TNFSF15: variants seen among roughly 807,000 people sequenced by gnomAD.
The protein encoded by TNFSF15 is tumor necrosis factor ligand superfamily member 15.
TNFSF15 carries 15 observed loss-of-function variants against 26.4 expected under a neutral mutation model. The observed-to-expected ratio is 0.57, with a 90% CI of 0.38 to 0.87. The LOEUF (loss-of-function observed/expected upper bound fraction) is 0.87. Ranked by LOEUF, TNFSF15 falls within the 40% of genes least tolerant of loss-of-function variation. The pLI is 0.00. For missense variants in TNFSF15, 290 were observed against 306.1 expected (o/e 0.95, Z 0.39); for synonymous variants, 116 against 115.0 (o/e 1.01, Z -0.06).
At chr9:114,805,530 A>G (rs1377546197) in intron 1 of TNFSF15, among the ~76,000 whole-genome samples, 2 of 152,168 alleles carry the variant, frequency 1.3e-5, no homozygotes, top group Non-Finnish European at 2.9e-5. Flanking sequence ...ATCTTCCCAA[A>G]TTACCAGTAT....
rs905752798 is a variant in TNFSF15, at chr9:114,785,531, T to G, written c.*4921A>C. 2.0e-5 allele frequency: 3 copies of G among 152,224 alleles called. No homozygotes were observed. The highest frequency in any genetic ancestry group is 7.2e-5 in the African/African-American group (3 of 41,462). 9.4% of individuals were successfully genotyped at this position (152,224 alleles called of 1,614,324 possible). On this transcript the variant is annotated 3_prime_UTR_variant, in exon 4 of 4. Coordinates refer to ENST00000374045, the MANE Select transcript of TNFSF15 (RefSeq NM_005118.4). ...AGACCTCAGAGATCCTTTGGCTTAA[T>G]CTCTCCCCCAACCTCTGTGAAGAAT...
Position 114,787,908 on chromosome 9 carries a change from A to G in TNFSF15, c.*2544T>C, listed in dbSNP as rs778171137. The stretch of plus-strand genomic sequence containing the variant: ...CTCAAATGTCTTCGAATATTAGGAA[A>G]TTCCTGTCTTGGGATAAATTTCCAG... On this transcript the variant is annotated 3_prime_UTR_variant, in exon 4 of 4. Coordinates refer to ENST00000374045, the MANE Select transcript of TNFSF15 (RefSeq NM_005118.4). 5 of 153,750 alleles carry G rather than the reference A, an allele frequency of 3.3e-5. No homozygotes were observed. Among genetic ancestry groups the G allele is most frequent in the African/African-American group, 4.8e-5 (2 of 41,448 alleles). 9.5% of individuals were successfully genotyped at this position (153,750 alleles called of 1,614,324 possible). A position where few individuals can be genotyped will look rare whatever the true frequency, so the allele number is the denominator to read the frequency against.
chr9:114,804,087 C>T (rs1829784445), intron 1 of TNFSF15, among the ~76,000 whole-genome samples: 1 of 152,226 alleles, frequency 6.6e-6, no homozygotes, highest in Non-Finnish European at 1.5e-5. Flanking sequence ...TCTTCTGACA[C>T]ACTAAGAAGT....
chr9:114,804,004 G>A lies in TNFSF15; in HGVS notation c.210+1799C>T, dbSNP rs141288470. On this transcript the variant is annotated intron_variant, in intron 1 of 3. Transcript: ENST00000374045. ...TTCTTCTACAAATGCACTTTCTTGAGTGAGCCAGCTGTTTCTTTTCAGGAC... is the reference window on the plus strand; with the variant it reads ...TTCTTCTACAAATGCACTTTCTTGAATGAGCCAGCTGTTTCTTTTCAGGAC... Among the ~76,000 whole-genome samples, 530 of 152,264 alleles carry A rather than the reference G, an allele frequency of 3.5e-3. 3 individuals are homozygous for A. The highest frequency in any genetic ancestry group is 0.012 in the African/African-American group (510 of 41,548).
chr9:114,801,929 A>C (rs977709606), intron 1 of TNFSF15, among the ~76,000 whole-genome samples: 10 of 152,228 alleles, frequency 6.6e-5, no homozygotes, highest in African/African-American at 2.4e-4. Context: ...TAGCAGAATT[A>C]CTACTTTCTT....
In TNFSF15 at chr9:114,806,001, A is replaced by T; in HGVS notation, c.12T>A (p.Asp4Glu). The T allele has an allele frequency of 6.2e-7, 1 of 1,613,828 alleles. No individual in the cohort carries two copies. The highest frequency in any genetic ancestry group is 8.5e-7 in the Non-Finnish European group (1 of 1,179,940). Reference sequence around the variant, plus strand: ...CTGTTTCCCCAAAGCTCAGTCCCAGATCCTCGGCCATGCTCCTGCTGCTCC... The same window carrying T: ...CTGTTTCCCCAAAGCTCAGTCCCAGTTCCTCGGCCATGCTCCTGCTGCTCC... MAE[D>E]LGLSFGETAS... is the part of the protein sequence containing the mutation. The change falls in exon 1 of 4, where the codon GAT becomes GAA. Residue 4 changes from aspartate to glutamate, a missense_variant. Transcript: ENST00000374045.
intron 1 of TNFSF15, among the ~76,000 whole-genome samples, chr9:114,794,941 T>C (rs907237953): frequency 6.6e-6 from 1 of 152,160 alleles, no homozygotes; most frequent in African/African-American, 2.4e-5. Flanking sequence ...TACAGTTGGA[T>C]AGAAAGTTTA....
chr9:114,792,207 GTA>G (rs1829610928), intron 3 of TNFSF15, 198 bp downstream of exon 3: 50 of 609,668 alleles, frequency 8.2e-5, no homozygotes, highest in African/African-American at 1.6e-4. Flanking sequence ...GTGTGTGTGT[GTA>G]TATACATATG....
chr9:114,794,930 G>A (rs1029586806), intron 1 of TNFSF15, among the ~76,000 whole-genome samples: 4 of 152,122 alleles, frequency 2.6e-5, no homozygotes, highest in Non-Finnish European at 4.4e-5. Flanking sequence ...GGGTACAAAC[G>A]TACAGTTGGA....
intron 2 of TNFSF15, among the ~76,000 whole-genome samples, chr9:114,792,890 A>G (rs1829625437): frequency 6.6e-6 from 1 of 152,166 alleles, no homozygotes; most frequent in Non-Finnish European, 1.5e-5. Flanking sequence ...CCCTTTAACT[A>G]TATTCACTGA....
intron 1 of TNFSF15, among the ~76,000 whole-genome samples, chr9:114,804,874 C>G (rs1829797076): frequency 6.6e-6 from 1 of 152,132 alleles, no homozygotes; most frequent in African/African-American, 2.4e-5. Context: ...CCAGTTAAAC[C>G]CATTGAAAAC....
At chr9:114,798,558 A>G (rs1205438757) in intron 1 of TNFSF15, among the ~76,000 whole-genome samples, 1 of 152,134 alleles carries the variant, frequency 6.6e-6, no homozygotes, top group African/African-American at 2.4e-5. Flanking sequence ...TGTTTGCCTC[A>G]TCTAATACTC....
At chr9:114,800,073 C>T (rs1212288560) in intron 1 of TNFSF15, among the ~76,000 whole-genome samples, 2 of 152,064 alleles carry the variant, frequency 1.3e-5, no homozygotes, top group Non-Finnish European at 2.9e-5. Context: ...GATCCCTAAT[C>T]CTTCGGAAAG....
chr9:114,794,597 A>C (rs796890598), intron 1 of TNFSF15, among the ~76,000 whole-genome samples: 48 of 152,338 alleles, frequency 3.2e-4, no homozygotes, highest in African/African-American at 1.1e-3. Flanking sequence ...TATTCACAAT[A>C]GTAGAGATAT....
In TNFSF15 at chr9:114,790,769, A is replaced by C. The variant is rs1829584736; in HGVS notation, c.439T>G (p.Tyr147Asp). 1 of 1,613,930 alleles carries C rather than the reference A, an allele frequency of 6.2e-7. No individual in the cohort carries two copies. The change falls in exon 4 of 4, where the codon TAC becomes GAC. Residue 147 changes from tyrosine to aspartate, a missense_variant. By Grantham distance (160) the Tyr-to-Asp change is radical. This residue lies in a region of TNFSF15 where 9 missense variants were observed against 25.5 expected (regional missense o/e 0.35). Coordinates refer to ENST00000374045, the MANE Select transcript of TNFSF15 (RefSeq NM_005118.4). The stretch of plus-strand genomic sequence containing the variant: ...AATGTGACCTGGGAGTAAATGAAGT[A>C]GTCTCCCGACTCTGGGATCAGCAGG... ...KFLLIPESGD[Y>D]FIYSQVTFRG...
intron 2 of TNFSF15, 24 bp from the exon 3 acceptor site, chr9:114,792,478 T>C (rs1409943362): frequency 6.2e-7 from 1 of 1,614,004 alleles, no homozygotes; most frequent in East Asian, 2.2e-5. Flanking sequence ...AGAAATGTGC[T>C]TTGTATGAGA....
At position 114,805,913 on chromosome 9, in the gene TNFSF15, G is replaced by C; in HGVS notation, c.100C>G (p.Arg34Gly). 6.2e-7 allele frequency: 1 copy of C among 1,614,118 alleles called. No individual in the cohort carries two copies. Among genetic ancestry groups the C allele is most frequent in the Non-Finnish European group, 8.5e-7 (1 of 1,180,040 alleles). The change falls in exon 1 of 4, where the codon CGC becomes GGC. Residue 34 changes from arginine to glycine, a missense_variant. By Grantham distance (125) the Arg-to-Gly change is moderately radical. Coordinates refer to ENST00000374045, the MANE Select transcript of TNFSF15 (RefSeq NM_005118.4). Reference sequence around the variant, plus strand: ...ACCAGGCAGCAGGTGAGAGCCCAGCGTGCGCTGCTGCTCCTGGCCTTGGGC... The same window carrying C: ...ACCAGGCAGCAGGTGAGAGCCCAGCCTGCGCTGCTGCTCCTGGCCTTGGGC... Reference protein sequence around the residue: ...CRPKARSSSARWALTCCLVLL... With the variant: ...CRPKARSSSAGWALTCCLVLL...
chr9:114,803,585 C>G (rs754414364), intron 1 of TNFSF15, among the ~76,000 whole-genome samples: 20 of 152,220 alleles, frequency 1.3e-4, no homozygotes, highest in African/African-American at 4.8e-4. Flanking sequence ...TGACCCTGCT[C>G]TGTCCTGTGA....
Position 114,788,899 on chromosome 9 carries a change from C to G in TNFSF15, c.*1553G>C, listed in dbSNP as rs915591874. 1 of 152,210 alleles carries G rather than the reference C, an allele frequency of 6.6e-6. No homozygotes were observed. The highest frequency in any genetic ancestry group is 1.9e-4 in the East Asian group (1 of 5,204). 9.4% of individuals were successfully genotyped at this position (152,210 alleles called of 1,614,324 possible). On this transcript the variant is annotated 3_prime_UTR_variant, in exon 4 of 4. Coordinates refer to ENST00000374045, the MANE Select transcript of TNFSF15 (RefSeq NM_005118.4). ...ATACGGACTAGAGGATATGAACCCA[C>G]TGAAGCACAGAAGGGACCTCCGCAA...
Sources: allele counts gnomAD v4.1 joint callset (sites outside exome capture counted in the v4.1 genomes callset), GRCh38; gene constraint gnomAD v4.1.1; regional missense constraint gnomAD v4.1.1; transcripts MANE v1.5; gene names NCBI Gene and HGNC (gene_info 2026-07-23, HGNC 2026-07-21).